HCN1: variants seen among roughly 807,000 people sequenced by gnomAD.
HCN1 encodes the protein potassium/sodium hyperpolarization-activated cyclic nucleotide-gated channel 1.
HCN1 carries 13 observed loss-of-function variants against 78.9 expected under a neutral mutation model. The observed-to-expected ratio is 0.16, with a 90% confidence interval of 0.11 to 0.26. The LOEUF is 0.26. HCN1 is among the 10% of genes least tolerant of loss of function. HCN1 has a pLI of 1.00. For missense variants in HCN1, 810 were observed against 1,154.3 expected (o/e 0.70, Z 4.32); for synonymous variants, 552 against 455.5 (o/e 1.21, Z -2.70).
chr5:45,499,168 C>A (rs1232293573), intron 2 of HCN1, among the ~76,000 whole-genome samples: 4 of 152,148 alleles, frequency 2.6e-5, no homozygotes, highest in East Asian at 1.9e-4. Context: ...ATGGTGGGCA[C>A]CCCTCCCCGA....
chr5:45,437,550 A>C (rs1740580878), intron 3 of HCN1, among the ~76,000 whole-genome samples: 1 of 152,168 alleles, frequency 6.6e-6, no homozygotes, highest in African/African-American at 2.4e-5. Flanking sequence ...CACACAACAA[A>C]TTTGTCACAT....
At chr5:45,328,009 CAAG>C (rs1746269698) in intron 5 of HCN1, among the ~76,000 whole-genome samples, 1 of 151,640 alleles carries the variant, frequency 6.6e-6, no homozygotes, top group Admixed American at 6.6e-5. Flanking sequence ...CAAAATGTGA[CAAG>C]AAGAATGAAG....
intron 2 of HCN1, among the ~76,000 whole-genome samples, chr5:45,594,802 C>T (rs1744451329): frequency 6.6e-6 from 1 of 152,172 alleles, no homozygotes; most frequent in South Asian, 2.1e-4. Context: ...TAAGTAACCT[C>T]CCCCTACTAC....
At chr5:45,330,056 T>G (rs1250659518) in intron 5 of HCN1, among the ~76,000 whole-genome samples, 1 of 151,136 alleles carries the variant, frequency 6.6e-6, no homozygotes, top group Non-Finnish European at 1.5e-5. Context: ...TAATATAGAG[T>G]GTGTCCATGT....
chr5:45,324,272 T>C (rs1040240865), intron 5 of HCN1, among the ~76,000 whole-genome samples: 3 of 151,956 alleles, frequency 2.0e-5, no homozygotes, highest in Non-Finnish European at 4.4e-5. Context: ...AAAGGGCTAA[T>C]ATCCAGAATC....
chr5:45,619,297 CAATTCTA>C (rs1180420471), intron 2 of HCN1, among the ~76,000 whole-genome samples: 3 of 152,054 alleles, frequency 2.0e-5, no homozygotes, highest in Non-Finnish European at 2.9e-5. Flanking sequence ...ACCCACATCA[CAATTCTA>C]AATACTGTTC....
chr5:45,689,591 T>A (rs1399554908), intron 1 of HCN1, among the ~76,000 whole-genome samples: 2 of 152,060 alleles, frequency 1.3e-5, no homozygotes, highest in Non-Finnish European at 1.5e-5. Flanking sequence ...AATGTCACAT[T>A]AAAATCTTAG....
intron 2 of HCN1, among the ~76,000 whole-genome samples, chr5:45,625,139 C>T (rs1745137871): frequency 6.6e-6 from 1 of 151,994 alleles, no homozygotes; most frequent in South Asian, 2.1e-4. Flanking sequence ...CCCATCTCTA[C>T]TAAAAATACA....
At chr5:45,583,625 C>A (rs559850418) in intron 2 of HCN1, among the ~76,000 whole-genome samples, 1 of 152,148 alleles carries the variant, frequency 6.6e-6, no homozygotes, top group Admixed American at 6.5e-5. Flanking sequence ...GTTAGGGTGT[C>A]AATTTTGGAT....
At chr5:45,414,106 G>A (rs902957752) in intron 3 of HCN1, among the ~76,000 whole-genome samples, 3 of 151,920 alleles carry the variant, frequency 2.0e-5, no homozygotes, top group Admixed American at 6.6e-5. Context: ...TGGCCAATTC[G>A]CCAATATTAG....
chr5:45,449,315 A>G (rs1369621524), intron 3 of HCN1, among the ~76,000 whole-genome samples: 3 of 152,156 alleles, frequency 2.0e-5, no homozygotes, highest in Non-Finnish European at 4.4e-5. Flanking sequence ...TATGCTAACC[A>G]CTTCACAATA....
intron 5 of HCN1, among the ~76,000 whole-genome samples, chr5:45,306,719 C>T (rs905499002): frequency 2.6e-5 from 4 of 151,926 alleles, no homozygotes; most frequent in African/African-American, 9.7e-5. Flanking sequence ...CACATTGAGG[C>T]AAATAAAACA....
intron 2 of HCN1, among the ~76,000 whole-genome samples, chr5:45,631,260 G>C (rs1333513495): frequency 6.6e-6 from 1 of 152,142 alleles, no homozygotes; most frequent in Non-Finnish European, 1.5e-5. Context: ...TGGTAGGACT[G>C]TTCTTCTTGA....
chr5:45,648,799 C>A lies in HCN1; in HGVS notation c.426-3191G>T, dbSNP rs1745622380. Among the ~76,000 whole-genome samples, 5 of 151,862 alleles carry A rather than the reference C, an allele frequency of 3.3e-5. No individual in the cohort carries two copies. The South Asian group carries it at 1.0e-3, about 32-fold the overall frequency. On this transcript the variant is annotated intron_variant, in intron 1 of 7. Coordinates refer to ENST00000303230, the MANE Select transcript of HCN1 (RefSeq NM_021072.4). ...CTATCCCCTCCTTCCATTCTTATTT[C>A]TCTGGTCTGGGCAGAGCCACCTTCT... is the stretch of plus-strand genomic sequence containing the variant.
rs188571624 is a variant in HCN1, at chr5:45,393,396, G to A, written c.1230+3096C>T. ...CAAATGTATGAACTAAGATGTAGTA[G>A]TATAAAAAACCAAGGTGATCAAAAG... On this transcript the variant is annotated intron_variant, in intron 4 of 7. Transcript: ENST00000303230. Among the ~76,000 whole-genome samples, 274 of 152,168 alleles carry A rather than the reference G, an allele frequency of 1.8e-3. 1 individual carries two copies. The highest frequency in any genetic ancestry group is 6.5e-3 in the African/African-American group (268 of 41,526).
At chr5:45,412,930 C>T (rs1740051337) in intron 3 of HCN1, among the ~76,000 whole-genome samples, 1 of 152,052 alleles carries the variant, frequency 6.6e-6, no homozygotes, top group Admixed American at 6.6e-5. Context: ...ATATCAAGCA[C>T]ATAAGATGGC....
At chr5:45,580,795 T>A (rs1028110839) in intron 2 of HCN1, among the ~76,000 whole-genome samples, 4 of 152,150 alleles carry the variant, frequency 2.6e-5, no homozygotes, top group African/African-American at 9.7e-5. Flanking sequence ...GGTGTTTGGT[T>A]TTTTGTCCTC....
At chr5:45,376,182 C>T (rs1178765377) in intron 4 of HCN1, among the ~76,000 whole-genome samples, 8 of 7,342 alleles carry the variant, frequency 1.1e-3, no homozygotes, top group Admixed American at 2.4e-3. Flanking sequence ...TAATATATTA[C>T]ATATAATATA....
In HCN1 at chr5:45,261,977, A is replaced by G. The variant is rs1251251598; in HGVS notation, c.2617T>C (p.Ser873Pro). 2 of 1,614,002 alleles carry G rather than the reference A, an allele frequency of 1.2e-6. No homozygotes were observed. Among genetic ancestry groups the G allele is most frequent in the Non-Finnish European group, 8.5e-7 (1 of 1,180,042 alleles). ...PAAALPRESS[S>P]VLNTDPDAEK... ...GCGTCTGGGTCTGTGTTTAAGACTG[A>G]GGAAGATTCTCTTGGAAGAGCAGCT... is the stretch of plus-strand genomic sequence containing the variant. The change falls in exon 8 of 8, where the codon TCA becomes CCA. Residue 873 changes from serine (S) to proline (P), a missense_variant. Transcript: ENST00000303230.
Sources: allele counts gnomAD v4.1 joint callset (sites outside exome capture counted in the v4.1 genomes callset), GRCh38; gene constraint gnomAD v4.1.1; transcripts MANE v1.5; gene names NCBI Gene and HGNC (gene_info 2026-07-23, HGNC 2026-07-21).